KLF12: variants seen among roughly 807,000 people sequenced by gnomAD.
KLF12 encodes Krueppel-like factor 12.
A neutral mutation model predicts 37.8 loss-of-function variants in KLF12; 9 were observed. That is an observed-to-expected ratio of 0.24 (90% CI 0.14 to 0.42). The LOEUF (loss-of-function observed/expected upper bound fraction) is 0.42. Among genes scored for constraint, KLF12 ranks in the 10% least tolerant of loss-of-function variants. KLF12 has a pLI of 1.00. For missense variants in KLF12, 411 were observed against 516.0 expected, an observed-to-expected ratio of 0.80 and a Z score of 1.97; for synonymous variants, 208 against 202.1, an observed-to-expected ratio of 1.03 and a Z score of -0.25.
chr13:73,981,295 T>G (rs1891682892), intron 2 of KLF12, among the ~76,000 whole-genome samples: 1 of 152,196 alleles, frequency 6.6e-6, no homozygotes. Context: ...ATCTTCTATA[T>G]TTGTACCAGG....
the KLF12 span, among the ~76,000 whole-genome samples, chr13:74,269,893 T>C: frequency 6.6e-6 from 1 of 152,214 alleles, no homozygotes; most frequent in Non-Finnish European, 1.5e-5. Flanking sequence ...TCCAGTCATT[T>C]TGAGGTGACA....
chr13:74,241,121 T>C, the KLF12 span, among the ~76,000 whole-genome samples: 1 of 151,356 alleles, frequency 6.6e-6, no homozygotes, highest in African/African-American at 2.4e-5. Context: ...GATGGGTTTT[T>C]GGTGTGGATG....
At chr13:74,152,756 C>T in the KLF12 span, among the ~76,000 whole-genome samples, 2 of 151,836 alleles carry the variant, frequency 1.3e-5, no homozygotes, top group East Asian at 3.9e-4. Context: ...GTGGTGTGCA[C>T]GTCAGTAGTC....
At chr13:74,297,930 T>C in the KLF12 span, among the ~76,000 whole-genome samples, 4 of 152,212 alleles carry the variant, frequency 2.6e-5, no homozygotes, top group East Asian at 1.9e-4. Context: ...GGAGAATTTA[T>C]ATTTTATGTA....
intron 7 of KLF12, among the ~76,000 whole-genome samples, chr13:73,701,301 C>T (rs1383144894): frequency 6.6e-6 from 1 of 152,198 alleles, no homozygotes; most frequent in Non-Finnish European, 1.5e-5. Flanking sequence ...CCCCTAAACT[C>T]ATTTGAATTA....
intron 4 of KLF12, among the ~76,000 whole-genome samples, chr13:73,832,987 T>A (rs566539519): frequency 6.3e-4 from 96 of 152,330 alleles, no homozygotes; most frequent in Admixed American, 1.0e-3. Context: ...AGGTAATTTT[T>A]ATTACAATTT....
chr13:73,832,781 T>C (rs1884232349), intron 4 of KLF12, among the ~76,000 whole-genome samples: 4 of 152,188 alleles, frequency 2.6e-5, no homozygotes, highest in Admixed American at 2.6e-4. Flanking sequence ...CCCTTCTACT[T>C]AAGGTTTGTT....
At chr13:74,087,215 C>T (rs1046750977) in intron 1 of KLF12, among the ~76,000 whole-genome samples, 1 of 152,026 alleles carries the variant, frequency 6.6e-6, no homozygotes, top group Non-Finnish European at 1.5e-5. Flanking sequence ...AGAAGTGAGT[C>T]TCAGATAGAA....
chr13:74,160,104 CA>C, the KLF12 span, among the ~76,000 whole-genome samples: 1 of 151,350 alleles, frequency 6.6e-6, no homozygotes, highest in Non-Finnish European at 1.5e-5. Context: ...AATAAATTGG[CA>C]ATTTGGCTTA....
chr13:73,764,303 C>T (rs1879761244), intron 6 of KLF12, among the ~76,000 whole-genome samples: 1 of 151,940 alleles, frequency 6.6e-6, no homozygotes, highest in Non-Finnish European at 1.5e-5. Flanking sequence ...ATTGAGCCCA[C>T]TTTTTTTGTT....
the KLF12 span, among the ~76,000 whole-genome samples, chr13:74,167,395 C>T: frequency 6.6e-6 from 1 of 152,188 alleles, no homozygotes; most frequent in Non-Finnish European, 1.5e-5. Flanking sequence ...GAAATAGCTC[C>T]TTTTCCTAGA....
intron 1 of KLF12, among the ~76,000 whole-genome samples, chr13:74,028,161 T>C (rs60833924): frequency 6.6e-6 from 1 of 152,186 alleles, no homozygotes; most frequent in East Asian, 1.9e-4. Flanking sequence ...TTGATAGTCT[T>C]TGACCCAGTG....
At chr13:74,191,630 TG>T in the KLF12 span, among the ~76,000 whole-genome samples, 1 of 152,178 alleles carries the variant, frequency 6.6e-6, no homozygotes, top group African/African-American at 2.4e-5. Flanking sequence ...AAGAAATCAT[TG>T]TTGCATGGCT....
intron 1 of KLF12, among the ~76,000 whole-genome samples, chr13:74,069,303 A>G (rs1874091737): frequency 1.3e-5 from 2 of 152,202 alleles, no homozygotes; most frequent in South Asian, 4.1e-4. Context: ...CTATGCACCG[A>G]TCCTGGAACA....
At chr13:73,914,134 T>C (rs565172093) in intron 3 of KLF12, among the ~76,000 whole-genome samples, 1 of 152,306 alleles carries the variant, frequency 6.6e-6, no homozygotes, top group East Asian at 1.9e-4. Flanking sequence ...CAAACCACTT[T>C]GCTCTGACCT....
chr13:73,702,681 C>T (rs1276880696), intron 7 of KLF12, among the ~76,000 whole-genome samples: 30 of 152,128 alleles, frequency 2.0e-4, no homozygotes, highest in Non-Finnish European at 3.1e-4. Context: ...TATAAAGTTA[C>T]GGGGCCCCAG....
the KLF12 span, among the ~76,000 whole-genome samples, chr13:74,242,663 T>G: frequency 6.6e-6 from 1 of 152,220 alleles, no homozygotes; most frequent in Non-Finnish European, 1.5e-5. Context: ...TGAGTTTTAA[T>G]TCTTTAATAT....
intron 3 of KLF12, among the ~76,000 whole-genome samples, chr13:73,914,154 C>G (rs180697151): frequency 1.3e-3 from 198 of 152,254 alleles, no homozygotes; most frequent in African/African-American, 3.9e-3. Context: ...TACCTTAAAC[C>G]CTATTTTCTG....
At chr13:73,909,477 T>C (rs1888470623) in intron 3 of KLF12, among the ~76,000 whole-genome samples, 2 of 152,246 alleles carry the variant, frequency 1.3e-5, no homozygotes, top group South Asian at 4.1e-4. Flanking sequence ...TGCCTGTTCC[T>C]CTGTGGACTA....
Sources: allele counts gnomAD v4.1 joint callset (sites outside exome capture counted in the v4.1 genomes callset), GRCh38; gene constraint gnomAD v4.1.1; transcripts MANE v1.5; gene names NCBI Gene and HGNC (gene_info 2026-07-23, HGNC 2026-07-21).